The following MYT1L variants were observed in gnomAD, a reference collection of about 807,000 sequenced individuals.
The protein encoded by MYT1L is myelin transcription factor 1 like, also known as myelin transcription factor 1-like protein.
In MYT1L, 12 loss-of-function variants were observed where a neutral mutation model predicts 126.7. The observed-to-expected ratio is 0.09, with a 90% CI of 0.06 to 0.15. MYT1L has a LOEUF of 0.15. Ranked by LOEUF, MYT1L falls within the 10% of genes least tolerant of loss-of-function variation. The probability of loss-of-function intolerance (pLI) is 1.00; values close to 1 mark genes in which losing one functional copy is unlikely to be tolerated. For synonymous variants in MYT1L, 541 were observed against 604.2 expected (o/e 0.90, Z 1.53); for missense variants, 979 against 1,585.2 (o/e 0.62, Z 6.49).
intron 19 of MYT1L, among the ~76,000 whole-genome samples, chr2:1,847,726 A>T (rs2042690189): frequency 6.6e-6 from 1 of 152,222 alleles, no homozygotes; most frequent in African/African-American, 2.4e-5. Context: ...GATGACTGTG[A>T]ATGACATGGA....
At position 2,227,506 on chromosome 2, in the gene MYT1L, C is replaced by T. The variant is rs574684729; in HGVS notation, c.-420-54518G>A. The stretch of plus-strand genomic sequence containing the variant: ...CCACAGGATGGAGCCCAGGATGAGG[C>T]TTCCAGGTGGAACCCATAAGGACCT... On this transcript the variant is annotated intron_variant, in intron 2 of 24. Transcript: ENST00000647738. Among the ~76,000 whole-genome samples the T allele has an allele frequency of 2.0e-5, 3 of 152,256 alleles. No individual in the cohort carries two copies. The East Asian group carries it at 5.8e-4, about 29-fold the overall frequency.
At chr2:2,089,034 G>C (rs1328441097) in intron 3 of MYT1L, among the ~76,000 whole-genome samples, 1 of 152,202 alleles carries the variant, frequency 6.6e-6, no homozygotes, top group Non-Finnish European at 1.5e-5. Context: ...ATGATAAACA[G>C]TGGGATACTA....
At chr2:1,972,102 T>C (rs1432730799) in intron 8 of MYT1L, among the ~76,000 whole-genome samples, 1 of 152,158 alleles carries the variant, frequency 6.6e-6, no homozygotes, top group Non-Finnish European at 1.5e-5. Flanking sequence ...AGGAGAGCTA[T>C]TTATTCTCAC....
At chr2:2,090,111 A>G (rs2076761569) in intron 3 of MYT1L, among the ~76,000 whole-genome samples, 1 of 152,190 alleles carries the variant, frequency 6.6e-6, no homozygotes, top group Non-Finnish European at 1.5e-5. Context: ...AGTCAGAGCA[A>G]ACAGAAATGA....
At chr2:1,964,325 CAAT>C (rs1411917003) in intron 8 of MYT1L, among the ~76,000 whole-genome samples, 4 of 152,110 alleles carry the variant, frequency 2.6e-5, no homozygotes, top group Admixed American at 6.5e-5. Context: ...ACAGACATAA[CAAT>C]AATGAAAAGG....
At chr2:2,067,453 GCC>G (rs1280658394) in intron 3 of MYT1L, among the ~76,000 whole-genome samples, 8 of 152,122 alleles carry the variant, frequency 5.3e-5, no homozygotes, top group African/African-American at 1.9e-4. Flanking sequence ...CAAAAACTAA[GCC>G]TTAAGTCTAG....
intron 3 of MYT1L, among the ~76,000 whole-genome samples, chr2:2,153,754 G>A (rs2086227706): frequency 6.6e-6 from 1 of 152,160 alleles, no homozygotes; most frequent in Admixed American, 6.6e-5. Flanking sequence ...CTGAATAGAG[G>A]AAAGGAAGAC....
intron 3 of MYT1L, among the ~76,000 whole-genome samples, chr2:2,078,588 C>CA (rs1231842420): frequency 4.6e-5 from 7 of 151,784 alleles, no homozygotes; most frequent in Non-Finnish European, 1.0e-4. Context: ...AAATTAGGTG[C>CA]AAAAAAGGAT....
chr2:1,907,117 ATTTT>A (rs200036420), intron 13 of MYT1L, among the ~76,000 whole-genome samples: 1 of 146,594 alleles, frequency 6.8e-6, no homozygotes, highest in African/African-American at 2.5e-5. Flanking sequence ...GTCTCTAAAA[ATTTT>A]TTTTTTAATT....
intron 2 of MYT1L, among the ~76,000 whole-genome samples, chr2:2,280,215 T>C (rs1344023526): frequency 6.6e-6 from 1 of 152,216 alleles, no homozygotes; most frequent in Non-Finnish European, 1.5e-5. Flanking sequence ...TATTCCTGCT[T>C]ATATGATGTC....
intron 3 of MYT1L, among the ~76,000 whole-genome samples, chr2:2,090,761 C>A (rs1259194928): frequency 1.3e-5 from 2 of 152,210 alleles, no homozygotes; most frequent in African/African-American, 4.8e-5. Flanking sequence ...TCCTCTCAAA[C>A]CCTGCTGCTG....
chr2:2,008,143 G>A (rs1396274366), intron 4 of MYT1L, among the ~76,000 whole-genome samples: 1 of 152,192 alleles, frequency 6.6e-6, no homozygotes, highest in Non-Finnish European at 1.5e-5. Flanking sequence ...ACCACTCAGT[G>A]CACAGGGGGA....
At chr2:1,916,358 G>A (rs1421535282) in intron 11 of MYT1L, among the ~76,000 whole-genome samples, 1 of 152,126 alleles carries the variant, frequency 6.6e-6, no homozygotes, top group Non-Finnish European at 1.5e-5. Context: ...GTTATGACAT[G>A]TTCCCCACTA....
chr2:2,008,833 T>C (rs2063559733), intron 4 of MYT1L, among the ~76,000 whole-genome samples: 1 of 152,152 alleles, frequency 6.6e-6, no homozygotes, highest in South Asian at 2.1e-4. Flanking sequence ...AGGGCTTGCA[T>C]CCATTTTGAG....
intron 2 of MYT1L, among the ~76,000 whole-genome samples, chr2:2,202,740 GAA>G (rs2093138596): frequency 6.6e-6 from 1 of 152,042 alleles, no homozygotes; most frequent in South Asian, 2.1e-4. Flanking sequence ...CCAATCAATA[GAA>G]AAAGAGGGAA....
chr2:2,055,867 T>C (rs562283568), intron 3 of MYT1L, among the ~76,000 whole-genome samples: 1 of 152,368 alleles, frequency 6.6e-6, no homozygotes, highest in Non-Finnish European at 1.5e-5. Flanking sequence ...GCATGTTCTA[T>C]AGATTCATCG....
intron 18 of MYT1L, among the ~76,000 whole-genome samples, chr2:1,869,778 A>G (rs2046046929): frequency 6.6e-6 from 1 of 152,150 alleles, no homozygotes; most frequent in African/African-American, 2.4e-5. Flanking sequence ...AAAGAAGTTG[A>G]GGTTTGAAGA....
intron 3 of MYT1L, among the ~76,000 whole-genome samples, chr2:2,129,591 C>T (rs191823292): frequency 2.0e-5 from 3 of 152,236 alleles, no homozygotes; most frequent in Non-Finnish European, 4.4e-5. Flanking sequence ...CCACAAACAC[C>T]AATTGCATAT....
At chr2:2,104,253 C>G (rs941254461) in intron 3 of MYT1L, among the ~76,000 whole-genome samples, 5 of 152,262 alleles carry the variant, frequency 3.3e-5, no homozygotes, top group Middle Eastern at 6.8e-3. Context: ...AAAAAGCAAA[C>G]AAAATCAACG....
Sources: allele counts gnomAD v4.1 joint callset (sites outside exome capture counted in the v4.1 genomes callset), GRCh38; gene constraint gnomAD v4.1.1; transcripts MANE v1.5; gene names NCBI Gene and HGNC (gene_info 2026-07-23, HGNC 2026-07-21).